The following SLF1 variants were observed in gnomAD, a reference collection of about 807,000 sequenced individuals.
SLF1 encodes the protein SMC5/6 complex localization factor 1.
SLF1 carries 105 observed loss-of-function variants against 123.0 expected under a neutral mutation model. The observed-to-expected ratio is 0.85, with a 90% CI of 0.73 to 1.00. The LOEUF (loss-of-function observed/expected upper bound fraction) is 1.00, where lower values mean the gene tolerates loss of function less well. Ranked by LOEUF, SLF1 falls within the 50% of genes least tolerant of loss-of-function variation. The pLI is 0.00. For missense variants in SLF1, 1,239 were observed against 1,223.0 expected (o/e 1.01, Z -0.20); for synonymous variants, 434 against 406.6 (o/e 1.07, Z -0.81).
At chr5:94,664,894 A>G (rs1054809717) in intron 11 of SLF1, among the ~76,000 whole-genome samples, 2 of 152,190 alleles carry the variant, frequency 1.3e-5, no homozygotes, top group African/African-American at 4.8e-5. Flanking sequence ...ACCTGCACTT[A>G]TAGGAAAAGT....
intron 12 of SLF1, among the ~76,000 whole-genome samples, chr5:94,669,901 T>G (rs561709754): frequency 1.3e-5 from 2 of 152,094 alleles, no homozygotes; most frequent in African/African-American, 4.8e-5. Flanking sequence ...TACCTGCTAG[T>G]CATTAAATAT....
At chr5:94,672,154 A>T (rs1750534850) in intron 14 of SLF1, among the ~76,000 whole-genome samples, 1 of 152,064 alleles carries the variant, frequency 6.6e-6, no homozygotes, top group Non-Finnish European at 1.5e-5. Context: ...TATGCTAATG[A>T]CACCTTATTA....
At chr5:94,624,611 T>G (rs1561415720) in intron 1 of SLF1, among the ~76,000 whole-genome samples, 5 of 152,250 alleles carry the variant, frequency 3.3e-5, no homozygotes, top group Admixed American at 2.6e-4. Flanking sequence ...CTGTATAACT[T>G]GTTTAATTCT....
rs757385434 is a variant in SLF1 at position 94,688,539 on chromosome 5, G to A, written c.2155G>A (p.Gly719Ser). ...CTATTTACCAGCCTTGGGGAAAACT[G>A]GTGTGCTTGGGTCTGGAAAGATTCA... ...YSYLPALGKTGVLGSGKIQVS... is the reference protein window; with the variant it reads ...YSYLPALGKTSVLGSGKIQVS... Residue 719 changes from glycine (G) to serine (S), a missense_variant, in exon 17 of 21, where the codon GGT (glycine) becomes AGT (serine). Physicochemically the swap from Gly to Ser is moderately conservative, Grantham distance 56. Coordinates refer to ENST00000265140, the MANE Select transcript of SLF1 (RefSeq NM_032290.4). 6.2e-7 allele frequency: 1 copy of A among 1,614,030 alleles called. No homozygotes were observed. The highest frequency in any genetic ancestry group is 1.7e-5 in the Admixed American group (1 of 60,024).
rs1753441717 is a variant in SLF1 at position 94,695,183 on chromosome 5, G to A, written c.3048G>A (p.Lys1016=). 2 of 1,612,768 alleles carry A rather than the reference G, an allele frequency of 1.2e-6. No homozygotes were observed. The highest frequency in any genetic ancestry group is 1.7e-6 in the Non-Finnish European group (2 of 1,179,092). Residue 1016 remains lysine, a synonymous_variant, in exon 21 of 21, where the codon AAG becomes AAA. Coordinates refer to ENST00000265140, the MANE Select transcript of SLF1 (RefSeq NM_032290.4). ...TGGATCTTTATGCTGGAAATATAAA[G>A]ACATTGCAGAAACTCCCACACATTC... is the stretch of plus-strand genomic sequence containing the variant. ...WLLDLYAGNI[K]TLQKLPHILK...
chr5:94,678,011 C>A (rs2152493174), intron 14 of SLF1, among the ~76,000 whole-genome samples: 1 of 152,126 alleles, frequency 6.6e-6, no homozygotes, highest in Non-Finnish European at 1.5e-5. Flanking sequence ...AGCTCCGCCT[C>A]CCGGGTTCAC....
At chr5:94,637,240 G>A (rs1180287541) in intron 4 of SLF1, among the ~76,000 whole-genome samples, 1 of 152,104 alleles carries the variant, frequency 6.6e-6, no homozygotes, top group African/African-American at 2.4e-5. Context: ...TGATCACTGG[G>A]AGATCACTGC....
Position 94,651,729 on chromosome 5 carries a change from A to C in SLF1, c.766A>C (p.Asn256His). The change falls in exon 7 of 21, where the codon AAT becomes CAT. Residue 256 changes from asparagine to histidine, a missense_variant. Physicochemically the swap from Asn to His is moderately conservative, Grantham distance 68. Coordinates refer to ENST00000265140, the MANE Select transcript of SLF1 (RefSeq NM_032290.4). ...QKEMQNHEDV[N>H]VGSILIQHHK... is the part of the protein sequence containing the mutation. ...AGAAATGCAAAATCATGAAGATGTT[A>C]ATGTTGGTTCTATTTTGATTCAACA... 5 of 1,522,016 alleles carry C rather than the reference A, an allele frequency of 3.3e-6. No individual in the cohort carries two copies. Among genetic ancestry groups the C allele is most frequent in the Non-Finnish European group, 4.4e-6 (5 of 1,136,066 alleles). 94.3% of individuals were successfully genotyped at this position (1,522,016 alleles called of 1,614,324 possible). A position where few individuals can be genotyped will look rare whatever the true frequency, so the allele number is the denominator to read the frequency against.
intron 11 of SLF1, 147 bp from the exon 12 acceptor site, chr5:94,665,714 C>G: frequency 1.4e-6 from 1 of 693,386 alleles, no homozygotes; most frequent in Non-Finnish European, 2.3e-6. Context: ...GATCGTGCCA[C>G]TGCACTCCAG....
In SLF1 at chr5:94,695,261, C is replaced by A; in HGVS notation, c.3126C>A (p.Ala1042=). 2 of 1,611,844 alleles carry A rather than the reference C, an allele frequency of 1.2e-6. No homozygotes were observed. The highest frequency in any genetic ancestry group is 2.2e-5 in the East Asian group (1 of 44,814). The stretch of plus-strand genomic sequence containing the variant: ...TGTGTCCTGGGGTACACACTGAGGC[C>A]TTGATGATAACATTGGAAATGATGT... ...LKVCPGVHTE[A]LMITLEMMCR... Residue 1042 remains alanine (A), a synonymous_variant, in exon 21 of 21, where the codon GCC becomes GCA. Coordinates refer to ENST00000265140, the MANE Select transcript of SLF1 (RefSeq NM_032290.4).
intron 15 of SLF1, among the ~76,000 whole-genome samples, chr5:94,685,857 C>T (rs1375134818): frequency 6.6e-6 from 1 of 151,948 alleles, no homozygotes; most frequent in Non-Finnish European, 1.5e-5. Context: ...AAATTATCCA[C>T]CATCCCCCAT....
intron 11 of SLF1, among the ~76,000 whole-genome samples, chr5:94,665,109 C>T (rs1333685718): frequency 6.6e-6 from 1 of 152,180 alleles, no homozygotes; most frequent in African/African-American, 2.4e-5. Flanking sequence ...TCTCATTCAG[C>T]AGCAAGGGCA....
At chr5:94,648,436 G>A (rs778823011) in intron 5 of SLF1, among the ~76,000 whole-genome samples, 4 of 152,134 alleles carry the variant, frequency 2.6e-5, no homozygotes, top group Non-Finnish European at 4.4e-5. Flanking sequence ...TCCCTAGGAA[G>A]ACTGTGATTC....
At chr5:94,662,207 G>A (rs1047130619) in intron 9 of SLF1, 91 bp from the exon 10 acceptor site, 14 of 1,092,956 alleles carry the variant, frequency 1.3e-5, no homozygotes, top group Non-Finnish European at 1.8e-5. Context: ...TCCTGGATCT[G>A]TTTTATATGT....
At chr5:94,691,972 G>A (rs1363963263) in intron 19 of SLF1, 102 bp from the exon 20 acceptor site, 1 of 1,045,802 alleles carries the variant, frequency 9.6e-7, no homozygotes, top group Non-Finnish European at 1.4e-6. Context: ...TGTATATGAA[G>A]CACCTAGAAA....
chr5:94,678,215 C>G (rs1188595865), intron 14 of SLF1, among the ~76,000 whole-genome samples: 1 of 152,032 alleles, frequency 6.6e-6, no homozygotes, highest in African/African-American at 2.4e-5. Context: ...CCACCGCGCC[C>G]GGCCAGTGAT....
rs572312873 is a variant in SLF1, at chr5:94,660,447, T to C, written c.1156-1851T>C. Among the ~76,000 whole-genome samples the C allele has an allele frequency of 3.3e-5, 5 of 152,298 alleles. No individual in the cohort carries two copies. The East Asian group carries it at 9.7e-4, about 29-fold the overall frequency. Reference sequence around the variant, plus strand: ...GACAGGGATGGGTTGATACCCATTCTCCCTGGCAGTGCACTTGGGCTCTGG... The same window carrying C: ...GACAGGGATGGGTTGATACCCATTCCCCCTGGCAGTGCACTTGGGCTCTGG... On this transcript the variant is annotated intron_variant, in intron 9 of 20. Coordinates refer to ENST00000265140, the MANE Select transcript of SLF1 (RefSeq NM_032290.4).
chr5:94,619,007 C>T (rs1791316895), intron 1 of SLF1, among the ~76,000 whole-genome samples: 1 of 152,128 alleles, frequency 6.6e-6, no homozygotes, highest in Admixed American at 6.5e-5. Context: ...GACGCTTCGC[C>T]CGTGCCGCTG....
At chr5:94,661,090 G>A (rs1055570036) in intron 9 of SLF1, among the ~76,000 whole-genome samples, 9 of 152,128 alleles carry the variant, frequency 5.9e-5, no homozygotes, top group African/African-American at 9.7e-5. Context: ...TCTACCTGGC[G>A]CCATGCTGCA....
Sources: gnomAD v4.1 joint callset for allele counts (sites outside exome capture counted in the v4.1 genomes callset) on GRCh38, gnomAD v4.1.1 for gene constraint, MANE v1.5 for transcripts, NCBI Gene and HGNC (gene_info 2026-07-23, HGNC 2026-07-21) for gene names.